The following ASH1L variants were observed in gnomAD, a reference collection of about 807,000 sequenced individuals.
The protein encoded by ASH1L is ASH1 like histone lysine methyltransferase, also known as histone-lysine N-methyltransferase ASH1L.
In ASH1L, 23 loss-of-function variants were observed where a neutral mutation model predicts 269.0. That is an observed-to-expected ratio of 0.09 (90% confidence interval 0.06 to 0.12). The LOEUF (loss-of-function observed/expected upper bound fraction) is 0.12, where lower values mean the gene tolerates loss of function less well. Ranked by LOEUF, ASH1L falls within the 10% of genes least tolerant of loss-of-function variation. The pLI is 1.00. For missense variants in ASH1L, 2,912 were observed against 3,567.8 expected (o/e 0.82, Z 4.68); for synonymous variants, 1,187 against 1,253.5 (o/e 0.95, Z 1.12).
chr1:155,435,923 C>T (rs1662049221), intron 5 of ASH1L, among the ~76,000 whole-genome samples: 1 of 152,096 alleles, frequency 6.6e-6, no homozygotes, highest in South Asian at 2.1e-4. Flanking sequence ...TGGTGGTGCG[C>T]ACCTGTAATC....
chr1:155,505,825 A>T (rs930332795), intron 2 of ASH1L, among the ~76,000 whole-genome samples: 7 of 152,152 alleles, frequency 4.6e-5, no homozygotes, highest in Non-Finnish European at 7.3e-5. Context: ...TAGAAAACCT[A>T]ACACACTATT....
intron 10 of ASH1L, among the ~76,000 whole-genome samples, chr1:155,377,750 C>A (rs556585217): frequency 2.0e-5 from 3 of 152,082 alleles, no homozygotes; most frequent in Non-Finnish European, 4.4e-5. Flanking sequence ...ATTGGCTGGG[C>A]GCGGTGGCTC....
rs1179125179 is a variant in ASH1L, at chr1:155,345,571, C to CTTTT, written c.7890+808_7890+811dup. The stretch of plus-strand genomic sequence containing the variant: ...TATAGGTGTGAGCCACCATGCCCAG[C>CTTTT]TTTTTTTTTTTTTTTTTTTTTGAGA... On this transcript the variant is annotated intron_variant, in intron 21 of 27. Transcript: ENST00000392403. Among the ~76,000 whole-genome samples, 12 of 104,908 alleles carry CTTTT rather than the reference C, an allele frequency of 1.1e-4. 1 individual carries two copies. The highest frequency in any genetic ancestry group is 3.3e-4 in the Admixed American group (3 of 9,178). 68.8% of individuals were successfully genotyped at this position (104,908 alleles called of 152,430 possible). A position where few individuals can be genotyped will look rare whatever the true frequency, so the allele number is the denominator to read the frequency against.
intron 1 of ASH1L, among the ~76,000 whole-genome samples, chr1:155,560,019 A>G (rs1671852131): frequency 6.6e-6 from 1 of 152,228 alleles, no homozygotes; most frequent in Admixed American, 6.5e-5. Flanking sequence ...TGCAGAAATA[A>G]GTTTGCAGAT....
At chr1:155,522,691 T>A (rs944440896) in intron 1 of ASH1L, among the ~76,000 whole-genome samples, 8 of 151,458 alleles carry the variant, frequency 5.3e-5, no homozygotes, top group African/African-American at 1.9e-4. Context: ...AGTGAATTTT[T>A]TTTTTTTTTT....
intron 4 of ASH1L, among the ~76,000 whole-genome samples, chr1:155,451,698 C>A (rs960860601): frequency 6.6e-6 from 1 of 150,884 alleles, no homozygotes; most frequent in East Asian, 1.9e-4. Flanking sequence ...CCAGCCTGGG[C>A]GACAGGAGCG....
intron 7 of ASH1L, among the ~76,000 whole-genome samples, chr1:155,384,458 G>C (rs1657240201): frequency 6.8e-6 from 1 of 148,106 alleles, no homozygotes; most frequent in Non-Finnish European, 1.5e-5. Context: ...TAATTTCTCT[G>C]TCATTGCTTT....
chr1:155,491,677 CTCATT>C (rs1345136138), intron 2 of ASH1L, among the ~76,000 whole-genome samples: 1 of 151,790 alleles, frequency 6.6e-6, no homozygotes, highest in Admixed American at 6.6e-5. Flanking sequence ...TTTTCTCTCT[CTCATT>C]TTTTTGAGAC....
At chr1:155,454,576 T>A (rs1470892581) in intron 4 of ASH1L, among the ~76,000 whole-genome samples, 2 of 152,160 alleles carry the variant, frequency 1.3e-5, no homozygotes, top group African/African-American at 4.8e-5. Context: ...GAGACCAGCC[T>A]GGCCAACATG....
chr1:155,457,558 T>C (rs1409657546), intron 4 of ASH1L, among the ~76,000 whole-genome samples: 1 of 152,256 alleles, frequency 6.6e-6, no homozygotes, highest in East Asian at 1.9e-4. Context: ...TATTCAGTGA[T>C]ATCTTCTTCA....
chr1:155,343,807 G>A lies in ASH1L; in HGVS notation c.7982-65C>T, dbSNP rs1223047777. The A allele has an allele frequency of 6.3e-7, 1 of 1,576,072 alleles. No individual in the cohort carries two copies. Among genetic ancestry groups the A allele is most frequent in the East Asian group, 2.2e-5 (1 of 44,618 alleles). The stretch of plus-strand genomic sequence containing the variant: ...CTTGTATGAATTCTGTTAGGCATCT[G>A]TTTATCTGACTCAGGGTCTACATAG... On this transcript the variant is annotated intron_variant, in intron 22 of 27. Transcript: ENST00000392403. This position sits in a 1 kb window ranked among gnomAD's most constrained non-coding sequence, Gnocchi z 6.1.
chr1:155,359,638 T>C (rs2148379844), intron 13 of ASH1L, among the ~76,000 whole-genome samples: 1 of 151,770 alleles, frequency 6.6e-6, no homozygotes, highest in Non-Finnish European at 1.5e-5. Flanking sequence ...TGCATTGGCG[T>C]GGTCCTGGCT....
intron 1 of ASH1L, among the ~76,000 whole-genome samples, chr1:155,531,666 AAGAG>A (rs1669686555): frequency 6.6e-6 from 1 of 152,216 alleles, no homozygotes; most frequent in Non-Finnish European, 1.5e-5. Flanking sequence ...TGTATATGAG[AAGAG>A]AGAAATACTA....
intron 6 of ASH1L, among the ~76,000 whole-genome samples, chr1:155,409,166 A>T (rs1014596780): frequency 2.0e-5 from 3 of 152,058 alleles, no homozygotes; most frequent in Non-Finnish European, 2.9e-5. Flanking sequence ...CTGGGACTAC[A>T]GGTTGCATGT....
At chr1:155,364,660 C>A (rs947664085) in intron 12 of ASH1L, among the ~76,000 whole-genome samples, 1 of 151,948 alleles carries the variant, frequency 6.6e-6, no homozygotes, top group Non-Finnish European at 1.5e-5. Context: ...GCTTGTCAGG[C>A]CCGGCATGGT....
intron 2 of ASH1L, among the ~76,000 whole-genome samples, chr1:155,498,370 C>T (rs1667293670): frequency 6.6e-6 from 1 of 151,706 alleles, no homozygotes; most frequent in East Asian, 1.9e-4. Context: ...CCTGAGAAGA[C>T]GGGACTACAG....
chr1:155,414,378 C>G (rs895413283), intron 6 of ASH1L, among the ~76,000 whole-genome samples: 1 of 152,114 alleles, frequency 6.6e-6, no homozygotes, highest in African/African-American at 2.4e-5. Flanking sequence ...GGCTCGATCT[C>G]GGCTCACTGC....
At chr1:155,537,491 A>G (rs1295689107) in intron 1 of ASH1L, among the ~76,000 whole-genome samples, 1 of 152,246 alleles carries the variant, frequency 6.6e-6, no homozygotes, top group Non-Finnish European at 1.5e-5. Flanking sequence ...AAACGTGATT[A>G]ACTCTAAGAC....
chr1:155,528,095 T>C (rs1571072465), intron 1 of ASH1L, among the ~76,000 whole-genome samples: 1 of 152,316 alleles, frequency 6.6e-6, no homozygotes, highest in Non-Finnish European at 1.5e-5. Context: ...TTCTGGAACT[T>C]CAGATTCACA....
Sources: gnomAD v4.1 joint callset for allele counts (sites outside exome capture counted in the v4.1 genomes callset) on GRCh38, gnomAD v4.1.1 for gene constraint, Gnocchi (gnomAD v3.1) non-coding constraint, MANE v1.5 for transcripts, NCBI Gene and HGNC (gene_info 2026-07-23, HGNC 2026-07-21) for gene names.